The following HSPG2 variants were observed in gnomAD, a reference collection of about 807,000 sequenced individuals.
HSPG2 encodes heparan sulfate proteoglycan 2, also known as basement membrane-specific heparan sulfate proteoglycan core protein.
In HSPG2, 278 loss-of-function variants were observed where a neutral mutation model predicts 526.6. The observed-to-expected ratio is 0.53, with a 90% CI of 0.48 to 0.58. The LOEUF (loss-of-function observed/expected upper bound fraction) is 0.58. Among genes scored for constraint, HSPG2 ranks in the 20% least tolerant of loss-of-function variants. HSPG2 has a pLI of 0.00. For synonymous variants in HSPG2, 2,465 were observed against 2,555.4 expected (o/e 0.96, Z 1.07); for missense variants, 5,354 against 6,099.5 (o/e 0.88, Z 4.07).
chr1:21,918,882 T>C (rs1282118832), intron 1 of HSPG2, among the ~76,000 whole-genome samples: 1 of 152,204 alleles, frequency 6.6e-6, no homozygotes, highest in Non-Finnish European at 1.5e-5. Flanking sequence ...GTACCAGTGA[T>C]AGATGGGAGA....
intron 30 of HSPG2, 113 bp from the exon 31 acceptor site, chr1:21,873,204 A>G: frequency 8.8e-7 from 1 of 1,140,422 alleles, no homozygotes. Context: ...TGAGTACTCA[A>G]CACTCTCACG....
intron 13 of HSPG2, among the ~76,000 whole-genome samples, chr1:21,882,370 A>G (rs1424582475): frequency 6.7e-6 from 1 of 149,676 alleles, no homozygotes; most frequent in Non-Finnish European, 1.5e-5. Context: ...TGTTGTTATG[A>G]TGGGTCGTCT....
At chr1:21,889,605 G>C (rs1244692011) in intron 6 of HSPG2, among the ~76,000 whole-genome samples, 2 of 152,120 alleles carry the variant, frequency 1.3e-5, no homozygotes, top group Non-Finnish European at 2.9e-5. Context: ...TCCTTCATAG[G>C]AATTGCTGTG....
At chr1:21,861,889 C>T (rs1388720835) in intron 38 of HSPG2, 46 bp from the exon 39 acceptor site, 2 of 1,613,346 alleles carry the variant, frequency 1.2e-6, no homozygotes, top group African/African-American at 1.3e-5. Flanking sequence ...GCCCAATCTC[C>T]ATCTTGCTCC....
intron 33 of HSPG2, among the ~76,000 whole-genome samples, chr1:21,868,326 C>T (rs1640396580): frequency 6.6e-6 from 1 of 152,158 alleles, no homozygotes; most frequent in African/African-American, 2.4e-5. Flanking sequence ...GTGTGAGCCA[C>T]CACGCCCAGC....
At chr1:21,929,523 T>G (rs1304150580) in intron 1 of HSPG2, among the ~76,000 whole-genome samples, 1 of 151,094 alleles carries the variant, frequency 6.6e-6, no homozygotes, top group Non-Finnish European at 1.5e-5. Context: ...TCCTCCTACC[T>G]TGGTCTCCCA....
chr1:21,847,512 AGGAGAG>A lies in HSPG2; in HGVS notation c.8026-26_8026-21del, dbSNP rs1472968567. 1 of 1,613,496 alleles carries A rather than the reference AGGAGAG, an allele frequency of 6.2e-7. No homozygotes were observed. The highest frequency in any genetic ancestry group is 1.3e-5 in the African/African-American group (1 of 75,030). On this transcript the variant is annotated intron_variant, in intron 61 of 96. Transcript: ENST00000374695. The surrounding 1 kb of genome is among the most constrained non-coding windows in gnomAD (Gnocchi z 4.1). ...ATGGGTCTGGACGTGCGGATGGGGA[AGGAGAG>A]GGAGAGGGAGTGGAGGGACGCTGGG...
chr1:21,826,319 C>T (rs2097974276), intron 91 of HSPG2, among the ~76,000 whole-genome samples: 1 of 152,106 alleles, frequency 6.6e-6, no homozygotes, highest in Non-Finnish European at 1.5e-5. Context: ...ATCCTCCTGC[C>T]TGTCTCCTGA....
In HSPG2 at chr1:21,890,107, C is replaced by A. The variant is rs773751191; in HGVS notation, c.448G>T (p.Val150Leu). 4.3e-6 allele frequency: 7 copies of A among 1,614,110 alleles called. No homozygotes were observed. The highest frequency in any genetic ancestry group is 3.3e-5 in the South Asian group (3 of 91,082). ...CCATCCGCATTCCCTTCCGAGCCCA[C>A]ATCCAGCTCCACAAAAACCCAGCCA... is the stretch of plus-strand genomic sequence containing the variant. ...LDGWVFVELD[V>L]GSEGNADGAQ... The change falls in exon 6 of 97, where the codon GTG becomes TTG. Residue 150 changes from valine to leucine, a missense_variant. By Grantham distance (32) the Val-to-Leu change is conservative. Coordinates refer to ENST00000374695, the MANE Select transcript of HSPG2 (RefSeq NM_005529.7). This position sits in a 1 kb window ranked among gnomAD's most constrained non-coding sequence, Gnocchi z 4.1.
At chr1:21,851,487 C>A in intron 55 of HSPG2, 59 bp downstream of exon 55, 1 of 1,611,098 alleles carries the variant, frequency 6.2e-7, no homozygotes, top group Non-Finnish European at 8.5e-7. Flanking sequence ...CCCCCAATAA[C>A]CTCCGCCACC....
Position 21,871,258 on chromosome 1 carries a change from GTTTTTTTTTT to G in HSPG2, c.4221+918_4221+927del, listed in dbSNP as rs5772965. On this transcript the variant is annotated intron_variant, in intron 33 of 96. Coordinates refer to ENST00000374695, the MANE Select transcript of HSPG2 (RefSeq NM_005529.7). ...TTCACCTCTGACTGGCAGAGTATTT[GTTTTTTTTTT>G]TTTTTTTTTGAGACAGGGTCTTACT... Among the ~76,000 whole-genome samples the G allele has an allele frequency of 1.6e-4, 18 of 114,702 alleles. No homozygotes were observed. In the Admixed American group the frequency reaches 1.8e-3, roughly 12 times the overall value. 75.2% of individuals were successfully genotyped at this position (114,702 alleles called of 152,430 possible).
chr1:21,863,265 C>T (rs1280606593), intron 37 of HSPG2, among the ~76,000 whole-genome samples: 6 of 149,316 alleles, frequency 4.0e-5, no homozygotes, highest in Admixed American at 2.7e-4. Context: ...CCCAGCTACT[C>T]GGGAGGCTGA....
At chr1:21,844,020 T>C (rs1638224417) in intron 65 of HSPG2, 128 bp downstream of exon 65, 1 of 1,278,994 alleles carries the variant, frequency 7.8e-7, no homozygotes, top group Non-Finnish European at 1.1e-6. Context: ...AACTTCCTGA[T>C]TCCATTGACC....
In HSPG2 at chr1:21,864,283, C is replaced by T. The variant is rs1640051139; in HGVS notation, c.4627-70G>A. Reference sequence around the variant, plus strand: ...ACCCACAGCCAGCAGACCCAGAACCCCTCCCTCCAGTGTCCTCCCAGGGGT... The same window carrying T: ...ACCCACAGCCAGCAGACCCAGAACCTCTCCCTCCAGTGTCCTCCCAGGGGT... On this transcript the variant is annotated intron_variant, in intron 36 of 96. Coordinates refer to ENST00000374695, the MANE Select transcript of HSPG2 (RefSeq NM_005529.7). The surrounding 1 kb of genome is among the most constrained non-coding windows in gnomAD (Gnocchi z 4.8). 1 of 1,282,404 alleles carries T rather than the reference C, an allele frequency of 7.8e-7. No homozygotes were observed. The highest frequency in any genetic ancestry group is 1.1e-6 in the Non-Finnish European group (1 of 903,338). The allele number at this position is 1,282,404 out of a possible 1,614,324, so 79.4% of individuals were successfully genotyped here. A position where few individuals can be genotyped will look rare whatever the true frequency, so the allele number is the denominator to read the frequency against.
In HSPG2 at chr1:21,839,876, C is replaced by T; in HGVS notation, c.9655G>A (p.Ala3219Thr). The T allele has an allele frequency of 6.2e-7, 1 of 1,614,120 alleles. No homozygotes were observed. Among genetic ancestry groups the T allele is most frequent in the Non-Finnish European group, 8.5e-7 (1 of 1,180,020 alleles). Residue 3219 changes from alanine (A) to threonine (T), a missense_variant, in exon 72 of 97, where the codon GCT (alanine) becomes ACT (threonine). Ala to Thr is a moderately conservative substitution (Grantham distance 58). Coordinates refer to ENST00000374695, the MANE Select transcript of HSPG2 (RefSeq NM_005529.7). The surrounding 1 kb of genome is among the most constrained non-coding windows in gnomAD (Gnocchi z 4.5). ...TGTCCAGCCTCCACAGTCAGCTCAG[C>T]TTCTTCAGCTTGGACCTGAGGGGCC... is the stretch of plus-strand genomic sequence containing the variant. Reference protein sequence around the residue: ...PGAPQVQAEEAELTVEAGHTA... With the variant: ...PGAPQVQAEETELTVEAGHTA...
At chr1:21,916,619 G>A (rs1037573704) in intron 1 of HSPG2, among the ~76,000 whole-genome samples, 3 of 151,122 alleles carry the variant, frequency 2.0e-5, no homozygotes, top group South Asian at 2.1e-4. Flanking sequence ...GTGAACCCAG[G>A]AGGCAGAGGT....
At chr1:21,835,132 G>T in intron 76 of HSPG2, 187 bp from the exon 77 acceptor site, 2 of 697,416 alleles carry the variant, frequency 2.9e-6, no homozygotes, top group Non-Finnish European at 5.0e-6. Flanking sequence ...ACTCACTCAC[G>T]TGTCCACTTC....
At position 21,823,669 on chromosome 1, in the gene HSPG2, C is replaced by A. The variant is rs1367320437; in HGVS notation, c.12950G>T (p.Gly4317Val). The change falls in exon 96 of 97, where the codon GGC (glycine) becomes GTC (valine). Residue 4317 changes from glycine (G) to valine (V), a missense_variant. Coordinates refer to ENST00000374695, the MANE Select transcript of HSPG2 (RefSeq NM_005529.7). ...IQVDGEELVSGRSPGPNVAVN... is the reference protein window; with the variant it reads ...IQVDGEELVSVRSPGPNVAVN... ...TGCCACGTTGGGACCTGGGGACCGGCCGCTGACCAGCTCCTCACCGTCGAC... is the reference window on the plus strand; with the variant it reads ...TGCCACGTTGGGACCTGGGGACCGGACGCTGACCAGCTCCTCACCGTCGAC... 1 of 1,613,762 alleles carries A rather than the reference C, an allele frequency of 6.2e-7. No individual in the cohort carries two copies. The highest frequency in any genetic ancestry group is 8.5e-7 in the Non-Finnish European group (1 of 1,180,012).
chr1:21,860,176 C>T lies in HSPG2; in HGVS notation c.5014+1G>A, dbSNP rs1446227002. 6.2e-6 allele frequency: 10 copies of T among 1,613,710 alleles called. No homozygotes were observed. The highest frequency in any genetic ancestry group is 8.5e-6 in the Non-Finnish European group (10 of 1,179,916). On this transcript the variant is annotated splice_donor_variant, in intron 40 of 96. Transcript: ENST00000374695. LOFTEE classifies it high-confidence loss of function. ...CCATCCTGGGCCATGGTCCCACTTACTCTCTGGCAGGCACTGGCCCCCTTG... is the reference window on the plus strand; with the variant it reads ...CCATCCTGGGCCATGGTCCCACTTATTCTCTGGCAGGCACTGGCCCCCTTG...
Sources: gnomAD v4.1 joint callset for allele counts (sites outside exome capture counted in the v4.1 genomes callset) on GRCh38, gnomAD v4.1.1 for gene constraint, Gnocchi (gnomAD v3.1) non-coding constraint, MANE v1.5 for transcripts, NCBI Gene and HGNC (gene_info 2026-07-23, HGNC 2026-07-21) for gene names.